NR2E3: variants seen among roughly 807,000 people sequenced by gnomAD.
The protein encoded by NR2E3 is photoreceptor-specific nuclear receptor.
In NR2E3, 38 loss-of-function variants were observed where a neutral mutation model predicts 37.6. That is an observed-to-expected ratio of 1.01 (90% CI 0.78 to 1.33). The LOEUF (loss-of-function observed/expected upper bound fraction) is 1.33. NR2E3 is among the 40% of genes most tolerant of loss of function. The probability of loss-of-function intolerance (pLI) is 0.00; values close to 1 mark genes in which losing one functional copy is unlikely to be tolerated. For synonymous variants in NR2E3, 235 were observed against 225.1 expected (o/e 1.04, Z -0.39); for missense variants, 562 against 558.7 (o/e 1.01, Z -0.06).
At position 71,811,424 on chromosome 15, in the gene NR2E3, C is replaced by A. The variant is rs1015561957; in HGVS notation, c.119-59C>A. On this transcript the variant is annotated intron_variant, in intron 1 of 7. Coordinates refer to ENST00000617575, the MANE Select transcript of NR2E3 (RefSeq NM_014249.4). The surrounding 1 kb of genome is among the most constrained non-coding windows in gnomAD (Gnocchi z 5.6). ...AAGGGACCCGAGGGAAGGAGGGGAGCGTGCAGCCCTGCCCCGGCCCAGCCC... is the reference window on the plus strand; with the variant it reads ...AAGGGACCCGAGGGAAGGAGGGGAGAGTGCAGCCCTGCCCCGGCCCAGCCC... 6.8e-7 allele frequency: 1 copy of A among 1,460,550 alleles called. No homozygotes were observed. The highest frequency in any genetic ancestry group is 9.3e-7 in the Non-Finnish European group (1 of 1,075,450). 90.5% of individuals were successfully genotyped at this position (1,460,550 alleles called of 1,614,324 possible).
At chr15:71,816,893 A>G (rs956118558) in intron 7 of NR2E3, among the ~76,000 whole-genome samples, 8 of 152,214 alleles carry the variant, frequency 5.3e-5, no homozygotes, top group Non-Finnish European at 1.2e-4. Flanking sequence ...GTCAAGGAGC[A>G]TACTGAATGC....
rs538205273 is a variant in NR2E3, at chr15:71,812,228, A to AG, written c.571+53dup. 4.2e-4 allele frequency: 676 copies of AG among 1,606,770 alleles called. 4 individuals are homozygous for AG. The African/African-American group carries it at 8.3e-3, about 20-fold the overall frequency. Reference sequence around the variant, plus strand: ...AGCAGGGCTTGGCTTCCCGGGTCACAGCAGGGCTGCAGCGCCTTGCCTTGA... The same window carrying AG: ...AGCAGGGCTTGGCTTCCCGGGTCACAGGCAGGGCTGCAGCGCCTTGCCTTGA... On this transcript the variant is annotated intron_variant, in intron 4 of 7. Transcript: ENST00000617575.
At position 71,813,671 on chromosome 15, in the gene NR2E3, T is replaced by C; in HGVS notation, c.994+36T>C. The C allele has an allele frequency of 6.2e-7, 1 of 1,610,666 alleles. No individual in the cohort carries two copies. Among genetic ancestry groups the C allele is most frequent in the Non-Finnish European group, 8.5e-7 (1 of 1,179,816 alleles). On this transcript the variant is annotated intron_variant, in intron 6 of 7. Coordinates refer to ENST00000617575, the MANE Select transcript of NR2E3 (RefSeq NM_014249.4). This position sits in a 1 kb window ranked among gnomAD's most constrained non-coding sequence, Gnocchi z 4.7. Reference sequence around the variant, plus strand: ...CTCTGCCCAAACCTTGAGTGGGAATTCTGGTGACTTCCATCTGCCTCTCAC... The same window carrying C: ...CTCTGCCCAAACCTTGAGTGGGAATCCTGGTGACTTCCATCTGCCTCTCAC...
In NR2E3 at chr15:71,811,810, G is replaced by A. The variant is rs1489149705; in HGVS notation, c.290G>A (p.Arg97His). The change falls in exon 3 of 8, where the codon CGC becomes CAC. Residue 97 changes from arginine to histidine, a missense_variant. Coordinates refer to ENST00000617575, the MANE Select transcript of NR2E3 (RefSeq NM_014249.4). The surrounding 1 kb of genome is among the most constrained non-coding windows in gnomAD (Gnocchi z 5.6). ...ATGTGCCCCGTGGACAAGGCCCACCGCAACCAGTGCCAGGCCTGCCGGCTG... is the reference window on the plus strand; with the variant it reads ...ATGTGCCCCGTGGACAAGGCCCACCACAACCAGTGCCAGGCCTGCCGGCTG... The part of the protein sequence containing the change: ...AGMCPVDKAH[R>H]NQCQACRLKK... 30 of 1,551,262 alleles carry A rather than the reference G, an allele frequency of 1.9e-5. No individual in the cohort carries two copies. Among genetic ancestry groups the A allele is most frequent in the Middle Eastern group, 1.7e-4 (1 of 6,012 alleles).
At chr15:71,815,733 C>T (rs570355182) in intron 7 of NR2E3, among the ~76,000 whole-genome samples, 2 of 152,310 alleles carry the variant, frequency 1.3e-5, no homozygotes, top group Non-Finnish European at 2.9e-5. Flanking sequence ...CTGATATGCA[C>T]ACAGACACCA....
In NR2E3 at chr15:71,811,555, G is replaced by T. The variant is rs878853395; in HGVS notation, c.191G>T (p.Cys64Phe). ...SSGKHYGIYA[C>F]NGCSGFFKRS... is the part of the protein sequence containing the mutation. ...GGGAAGCACTATGGCATCTATGCCT[G>T]CAACGGCTGCAGCGGCTTCTTCAAG... The change falls in exon 2 of 8, where the codon TGC (cysteine) becomes TTC (phenylalanine). Residue 64 changes from cysteine to phenylalanine, a missense_variant. Transcript: ENST00000617575. The surrounding 1 kb of genome is among the most constrained non-coding windows in gnomAD (Gnocchi z 5.6). 1.3e-6 allele frequency: 2 copies of T among 1,599,104 alleles called. No individual in the cohort carries two copies. Among genetic ancestry groups the T allele is most frequent in the Admixed American group, 3.5e-5 (2 of 57,626 alleles).
At position 71,811,633 on chromosome 15, in the gene NR2E3, G is replaced by A. The variant is rs2054181766; in HGVS notation, c.245+24G>A. 1 of 1,598,744 alleles carries A rather than the reference G, an allele frequency of 6.3e-7. No homozygotes were observed. The highest frequency in any genetic ancestry group is 1.7e-5 in the Admixed American group (1 of 57,656). On this transcript the variant is annotated intron_variant, in intron 2 of 7. Coordinates refer to ENST00000617575, the MANE Select transcript of NR2E3 (RefSeq NM_014249.4). This position sits in a 1 kb window ranked among gnomAD's most constrained non-coding sequence, Gnocchi z 5.6. ...AGGTGAGTGCGGTGGGCCCTGCTGGGCGTCTGCCCCTGAGGGGTTCTGGAG... is the reference window on the plus strand; with the variant it reads ...AGGTGAGTGCGGTGGGCCCTGCTGGACGTCTGCCCCTGAGGGGTTCTGGAG...
rs924497101 is a variant in NR2E3 at position 71,816,630 on chromosome 15, C to T, written c.1101-922C>T. ...TATCTCAGTCACCAAAATTATCCTT[C>T]AACTTCAGGACATTTTCAGTAATGG... On this transcript the variant is annotated intron_variant, in intron 7 of 7. Transcript: ENST00000617575. Among the ~76,000 whole-genome samples the T allele has an allele frequency of 2.6e-5, 4 of 152,136 alleles. No homozygotes were observed. The East Asian group carries it at 5.8e-4, about 22-fold the overall frequency.
At position 71,812,098 on chromosome 15, in the gene NR2E3, G is replaced by T; in HGVS notation, c.493G>T (p.Ala165Ser). ...CCCACGGGGCCCCACACCCATGTCT[G>T]CAGCCAGAGCCCTGGGCCACCACTT... is the stretch of plus-strand genomic sequence containing the variant. ...RSPRGPTPMSAARALGHHFMA... is the reference protein window; with the variant it reads ...RSPRGPTPMSSARALGHHFMA... Residue 165 changes from alanine (A) to serine (S), a missense_variant, in exon 4 of 8, where the codon GCA (alanine) becomes TCA (serine). Transcript: ENST00000617575. 1 of 1,555,438 alleles carries T rather than the reference G, an allele frequency of 6.4e-7. No individual in the cohort carries two copies. The highest frequency in any genetic ancestry group is 8.7e-7 in the Non-Finnish European group (1 of 1,149,870).
Position 71,813,863 on chromosome 15 carries a change from G to A in NR2E3, c.995-149G>A. On this transcript the variant is annotated intron_variant, in intron 6 of 7. Transcript: ENST00000617575. The surrounding 1 kb of genome is among the most constrained non-coding windows in gnomAD (Gnocchi z 4.7). ...TGGGAGACCCTGAGCCCCAGCCGGAGCCCCTGGTGGCTCCTCTGGGCCTGG... is the reference window on the plus strand; with the variant it reads ...TGGGAGACCCTGAGCCCCAGCCGGAACCCCTGGTGGCTCCTCTGGGCCTGG... 6.7e-7 allele frequency: 1 copy of A among 1,501,990 alleles called. No homozygotes were observed. Among genetic ancestry groups the A allele is most frequent in the Non-Finnish European group, 8.9e-7 (1 of 1,127,430 alleles). 93.0% of individuals were successfully genotyped at this position (1,501,990 alleles called of 1,614,324 possible). A position where few individuals can be genotyped will look rare whatever the true frequency, so the allele number is the denominator to read the frequency against.
In NR2E3 at chr15:71,811,578, A is replaced by G; in HGVS notation, c.214A>G (p.Lys72Glu). Residue 72 changes from lysine to glutamate, a missense_variant, in exon 2 of 8, where the codon AAG becomes GAG. Lys to Glu is a moderately conservative substitution (Grantham distance 56). Coordinates refer to ENST00000617575, the MANE Select transcript of NR2E3 (RefSeq NM_014249.4). This position sits in a 1 kb window ranked among gnomAD's most constrained non-coding sequence, Gnocchi z 5.6. Reference sequence around the variant, plus strand: ...CTGCAACGGCTGCAGCGGCTTCTTCAAGAGGAGCGTACGGCGGAGGCTCAT... The same window carrying G: ...CTGCAACGGCTGCAGCGGCTTCTTCGAGAGGAGCGTACGGCGGAGGCTCAT... ...YACNGCSGFFKRSVRRRLIYR... is the reference protein window; with the variant it reads ...YACNGCSGFFERSVRRRLIYR... The G allele has an allele frequency of 6.2e-7, 1 of 1,604,436 alleles. No homozygotes were observed. The highest frequency in any genetic ancestry group is 8.5e-7 in the Non-Finnish European group (1 of 1,176,082).
chr15:71,813,392 A>G lies in NR2E3; in HGVS notation c.751A>G (p.Ile251Val), dbSNP rs957052553. The G allele has an allele frequency of 1.2e-6, 2 of 1,611,212 alleles. No individual in the cohort carries two copies. Among genetic ancestry groups the G allele is most frequent in the Non-Finnish European group, 8.5e-7 (1 of 1,178,830 alleles). Reference protein sequence around the residue: ...FSSLPFRDQVILLEEAWSELF... With the variant: ...FSSLPFRDQVVLLEEAWSELF... ...AGGCACCCCTGTCTGAGCACAGGTG[A>G]TCCTGCTGGAAGAGGCGTGGAGTGA... Residue 251 changes from isoleucine (I) to valine (V), a missense_variant, in exon 6 of 8, where the codon ATC becomes GTC. Transcript: ENST00000617575. This position sits in a 1 kb window ranked among gnomAD's most constrained non-coding sequence, Gnocchi z 4.7.
chr15:71,813,967 C>G lies in NR2E3; in HGVS notation c.995-45C>G, dbSNP rs755136911. On this transcript the variant is annotated intron_variant, in intron 6 of 7. Transcript: ENST00000617575. The surrounding 1 kb of genome is among the most constrained non-coding windows in gnomAD (Gnocchi z 4.7). Reference sequence around the variant, plus strand: ...CACCACTTCATGGCCAGCCTTATAACAGCCGTAAACCTGTGCTAAGCTCAC... The same window carrying G: ...CACCACTTCATGGCCAGCCTTATAAGAGCCGTAAACCTGTGCTAAGCTCAC... 5.7e-6 allele frequency: 9 copies of G among 1,582,652 alleles called. No individual in the cohort carries two copies. In the African/African-American group the frequency reaches 6.7e-5, roughly 12 times the overall value.
In NR2E3 at chr15:71,814,121, AC is replaced by A. The variant is rs2054209433; in HGVS notation, c.1100+6del. The A allele has an allele frequency of 6.2e-7, 1 of 1,608,918 alleles. No homozygotes were observed. Among genetic ancestry groups the A allele is most frequent in the Non-Finnish European group, 8.5e-7 (1 of 1,179,500 alleles). Reference sequence around the variant, plus strand: ...ACCACCCCAGCCAGCCCGTGAGGTGACCTGAGCATGCGCCCACCCACTCATC... The same window carrying A: ...ACCACCCCAGCCAGCCCGTGAGGTGACTGAGCATGCGCCCACCCACTCATC... On this transcript the variant is annotated splice_donor_5th_base_variant and intron_variant, in intron 7 of 7. Coordinates refer to ENST00000617575, the MANE Select transcript of NR2E3 (RefSeq NM_014249.4).
In NR2E3 at chr15:71,810,570, C is replaced by T. The variant is rs2054169870; in HGVS notation, c.-174C>T. On this transcript the variant is annotated 5_prime_UTR_variant, in exon 1 of 8. Transcript: ENST00000617575. ...TGCCCCGGGAGAAATCTCCTCAAGCCAGAGCCTGTGCTGTGAGGGGCTTCG... is the reference window on the plus strand; with the variant it reads ...TGCCCCGGGAGAAATCTCCTCAAGCTAGAGCCTGTGCTGTGAGGGGCTTCG... 2 of 921,140 alleles carry T rather than the reference C, an allele frequency of 2.2e-6. No individual in the cohort carries two copies. Among genetic ancestry groups the T allele is most frequent in the South Asian group, 1.8e-5 (1 of 54,510 alleles). 57.1% of individuals were successfully genotyped at this position (921,140 alleles called of 1,614,324 possible).
At chr15:71,814,459 C>T (rs2054212431) in intron 7 of NR2E3, 1 of 1,070,958 alleles carries the variant, frequency 9.3e-7, no homozygotes, top group African/African-American at 1.7e-5. Flanking sequence ...TTTGTGGAGA[C>T]AGGGCTGGAC....
intron 7 of NR2E3, chr15:71,814,652 C>A: frequency 1.0e-6 from 1 of 978,302 alleles, no homozygotes; most frequent in African/African-American, 1.8e-5. Flanking sequence ...GAATGCCAGC[C>A]AAAGGCCACG....
intron 1 of NR2E3, 94 bp downstream of exon 1, chr15:71,810,955 A>G: frequency 1.5e-6 from 2 of 1,323,404 alleles, no homozygotes; most frequent in Non-Finnish European, 2.0e-6. Flanking sequence ...GAGCCAGAAC[A>G]ACTCAGACCC....
rs752109014 is a variant in NR2E3 at position 71,814,165 on chromosome 15, C to T, written c.1100+48C>T. 4.5e-6 allele frequency: 7 copies of T among 1,572,268 alleles called. No individual in the cohort carries two copies. The South Asian group carries it at 8.1e-5, about 18-fold the overall frequency. ...CACTCATCTGTCCCTGACCTCTAACCTTTCTCTGCCTCTCCCACACTCTCC... is the reference window on the plus strand; with the variant it reads ...CACTCATCTGTCCCTGACCTCTAACTTTTCTCTGCCTCTCCCACACTCTCC... On this transcript the variant is annotated intron_variant, in intron 7 of 7. Coordinates refer to ENST00000617575, the MANE Select transcript of NR2E3 (RefSeq NM_014249.4).
Sources: gnomAD v4.1 joint callset for allele counts (sites outside exome capture counted in the v4.1 genomes callset) on GRCh38, gnomAD v4.1.1 for gene constraint, Gnocchi (gnomAD v3.1) non-coding constraint, MANE v1.5 for transcripts, NCBI Gene and HGNC (gene_info 2026-07-23, HGNC 2026-07-21) for gene names.